Variants in IL1RAPL2 observed in about 807,000 individuals in gnomAD.
IL1RAPL2 encodes the protein interleukin 1 receptor accessory protein like 2, also known as X-linked interleukin-1 receptor accessory protein-like 2.
A neutral mutation model predicts 44.1 loss-of-function variants in IL1RAPL2; 3 were observed. The ratio of observed to expected loss-of-function variants is 0.07; its 90% CI spans 0.03 to 0.18. IL1RAPL2 has a LOEUF of 0.18. Ranked by LOEUF, IL1RAPL2 falls within the 10% of genes least tolerant of loss-of-function variation. IL1RAPL2 has a pLI of 1.00. For synonymous variants in IL1RAPL2, 181 were observed against 178.8 expected (o/e 1.01, Z -0.10); for missense variants, 391 against 496.4 (o/e 0.79, Z 2.02).
chrX:104,945,326 T>C (rs1242748627), intron 2 of IL1RAPL2, among the ~76,000 whole-genome samples: 1 of 111,130 alleles, frequency 9.0e-6, no homozygotes, highest in African/African-American at 3.3e-5. Flanking sequence ...ACTGTTGGTT[T>C]GAGAGTGTTC....
At chrX:105,110,620 A>G (rs1462358880) in intron 2 of IL1RAPL2, among the ~76,000 whole-genome samples, 1 of 111,947 alleles carries the variant, frequency 8.9e-6, no homozygotes, top group African/African-American at 3.3e-5. Context: ...TCCTTTTAGA[A>G]TGCAAATTGC....
At chrX:104,873,004 A>G (rs1386038529) in intron 2 of IL1RAPL2, among the ~76,000 whole-genome samples, 1 of 112,036 alleles carries the variant, frequency 8.9e-6, no homozygotes, top group Non-Finnish European at 1.9e-5. Flanking sequence ...TAAGAAATTT[A>G]TAATTGCGTA....
intron 2 of IL1RAPL2, among the ~76,000 whole-genome samples, chrX:104,707,617 G>T (rs985519350): frequency 1.8e-5 from 2 of 111,478 alleles, no homozygotes; most frequent in Middle Eastern, 4.7e-3. Flanking sequence ...TATCACTAAT[G>T]AAGGTGTTTA....
intron 4 of IL1RAPL2, among the ~76,000 whole-genome samples, chrX:105,245,602 T>C (rs2034212395): frequency 8.9e-6 from 1 of 112,804 alleles, no homozygotes; most frequent in South Asian, 3.6e-4. Context: ...ATAATGTTAG[T>C]GTTTTTAAAA....
At chrX:105,543,137 G>A (rs772033099) in intron 6 of IL1RAPL2, among the ~76,000 whole-genome samples, 5 of 111,507 alleles carry the variant, frequency 4.5e-5, no homozygotes, top group Non-Finnish European at 9.4e-5. Context: ...CCATGGCACA[G>A]TAGCTCCTTT....
intron 3 of IL1RAPL2, among the ~76,000 whole-genome samples, chrX:105,200,819 C>CTCA (rs1295364280): frequency 1.8e-5 from 2 of 110,541 alleles, no homozygotes; most frequent in African/African-American, 6.6e-5. Context: ...GGCTGAGGTA[C>CTCA]GAGAATTGCT....
chrX:105,052,405 A>G (rs1446460823), intron 2 of IL1RAPL2, among the ~76,000 whole-genome samples: 2 of 112,086 alleles, frequency 1.8e-5, no homozygotes, highest in Non-Finnish European at 3.8e-5. Context: ...CCATGTGTTC[A>G]GCTAAAAATT....
chrX:105,404,129 G>A (rs1382928557), intron 5 of IL1RAPL2, among the ~76,000 whole-genome samples: 1 of 111,585 alleles, frequency 9.0e-6, no homozygotes, highest in Non-Finnish European at 1.9e-5. Context: ...TAGACATTGT[G>A]TTTAGAAGAT....
chrX:105,355,224 A>T (rs944078002), intron 5 of IL1RAPL2, among the ~76,000 whole-genome samples: 1 of 111,592 alleles, frequency 9.0e-6, no homozygotes, highest in Non-Finnish European at 1.9e-5. Flanking sequence ...TTAATACAAG[A>T]TATGTGGTAC....
chrX:104,567,116 T>C (rs1256866031), intron 1 of IL1RAPL2, 65 bp downstream of exon 1: 4 of 113,136 alleles, frequency 3.5e-5, no homozygotes, highest in African/African-American at 1.3e-4. Flanking sequence ...CGCTGCGCTC[T>C]CAGTTGGCAG....
chrX:105,710,359 C>CTTTTT (rs61023852), intron 6 of IL1RAPL2, among the ~76,000 whole-genome samples: 14 of 65,836 alleles, frequency 2.1e-4, no homozygotes, highest in African/African-American at 3.0e-4. Context: ...GAAAATCCTA[C>CTTTTT]TTTTTTTTTT....
At chrX:105,274,842 A>G (rs1413418977) in intron 5 of IL1RAPL2, among the ~76,000 whole-genome samples, 1 of 111,492 alleles carries the variant, frequency 9.0e-6, no homozygotes, top group Non-Finnish European at 1.9e-5. Context: ...TCAAAGTTAA[A>G]CAGTCATCTT....
chrX:105,312,378 G>A (rs1161422121), intron 5 of IL1RAPL2, among the ~76,000 whole-genome samples: 1 of 111,736 alleles, frequency 8.9e-6, no homozygotes, highest in East Asian at 2.8e-4. Flanking sequence ...TGTTGTTACG[G>A]CAGTAATGTC....
intron 2 of IL1RAPL2, among the ~76,000 whole-genome samples, chrX:104,912,729 T>G (rs1028284670): frequency 4.5e-5 from 5 of 111,433 alleles, no homozygotes; most frequent in Admixed American, 9.6e-5. Flanking sequence ...AGCCAACTGG[T>G]TCAGATTAAA....
chrX:105,711,072 C>G (rs1053329617), intron 6 of IL1RAPL2, among the ~76,000 whole-genome samples: 1 of 108,696 alleles, frequency 9.2e-6, no homozygotes, highest in East Asian at 2.9e-4. Context: ...ATGTTTCTCT[C>G]CCTCTCAGTG....
intron 2 of IL1RAPL2, among the ~76,000 whole-genome samples, chrX:104,777,721 C>T (rs903596017): frequency 2.7e-5 from 3 of 109,487 alleles, no homozygotes; most frequent in Admixed American, 9.8e-5. Flanking sequence ...GGATTACAGG[C>T]TCCCGCCACC....
chrX:104,782,920 G>A (rs1222684674), intron 2 of IL1RAPL2, among the ~76,000 whole-genome samples: 2 of 112,072 alleles, frequency 1.8e-5, no homozygotes, highest in African/African-American at 6.5e-5. Context: ...ACAGAAGAGA[G>A]TTCTTGACCT....
intron 5 of IL1RAPL2, among the ~76,000 whole-genome samples, chrX:105,281,527 G>A (rs925939226): frequency 7.1e-5 from 8 of 112,469 alleles, no homozygotes; most frequent in African/African-American, 2.6e-4. Context: ...ATGATGGACT[G>A]TATATAAAAC....
intron 6 of IL1RAPL2, among the ~76,000 whole-genome samples, chrX:105,694,802 T>C (rs976450239): frequency 1.8e-5 from 2 of 111,462 alleles, no homozygotes; most frequent in Non-Finnish European, 3.8e-5. Context: ...AAACTAATAA[T>C]AAAAAGGCAG....
Sources: gnomAD v4.1 joint callset for allele counts (sites outside exome capture counted in the v4.1 genomes callset) on GRCh38, gnomAD v4.1.1 for gene constraint, MANE v1.5 for transcripts, NCBI Gene and HGNC (gene_info 2026-07-23, HGNC 2026-07-21) for gene names.